The following MOCOS variants were observed in gnomAD, a reference collection of about 807,000 sequenced individuals.
MOCOS encodes the protein molybdenum cofactor sulfurase, also known as human molybdenum cofactor sulfurase.
Under a neutral mutation model 83.6 loss-of-function variants are expected in MOCOS, and 86 were observed. That is an observed-to-expected ratio of 1.03 (90% CI 0.86 to 1.23). The LOEUF is 1.23. Ranked by LOEUF, MOCOS falls within the 50% of genes most tolerant of loss-of-function variation. The pLI is 0.00. For missense variants in MOCOS, 1,120 were observed against 1,126.9 expected (o/e 0.99, Z 0.09); for synonymous variants, 445 against 434.7 (o/e 1.02, Z -0.29).
intron 9 of MOCOS, among the ~76,000 whole-genome samples, chr18:36,229,776 A>C (rs1369117378): frequency 6.6e-6 from 1 of 151,622 alleles, no homozygotes; most frequent in Non-Finnish European, 1.5e-5. Context: ...TTGCTGATCT[A>C]GTCTGCTGTT....
chr18:36,256,279 T>C (rs921986395), intron 11 of MOCOS, among the ~76,000 whole-genome samples: 3 of 152,170 alleles, frequency 2.0e-5, no homozygotes, highest in African/African-American at 4.8e-5. Context: ...TTTTCCCTGA[T>C]TAGATTCAGA....
In MOCOS at chr18:36,200,118, C is replaced by T. The variant is rs371948005; in HGVS notation, c.735C>T (p.Thr245=). Reference sequence around the variant, plus strand: ...TGGATGCAGCCTCCTACGTGAGCACCTCGCCTTTGGACCTGTCAGCTCACC... The same window carrying T: ...TGGATGCAGCCTCCTACGTGAGCACTTCGCCTTTGGACCTGTCAGCTCACC... ...VLLDAASYVS[T]SPLDLSAHQA... Residue 245 remains threonine (T), a synonymous_variant, in exon 4 of 15, where the codon ACC becomes ACT. Coordinates refer to ENST00000261326, the MANE Select transcript of MOCOS (RefSeq NM_017947.4). The T allele has an allele frequency of 6.2e-7, 1 of 1,614,092 alleles. No individual in the cohort carries two copies. Among genetic ancestry groups the T allele is most frequent in the Admixed American group, 1.7e-5 (1 of 60,012 alleles).
rs1474910873 is a variant in MOCOS at position 36,266,736 on chromosome 18, T to A, written c.2410-13T>A. ...TTTTGTGGCAACGCTGTGTTTTCCT[T>A]CTCACCTGCCAGGTTTTGGGGCCTT... On this transcript the variant is annotated splice_polypyrimidine_tract_variant and intron_variant, in intron 13 of 14. Transcript: ENST00000261326. 5 of 1,612,676 alleles carry A rather than the reference T, an allele frequency of 3.1e-6. No individual in the cohort carries two copies. Among genetic ancestry groups the A allele is most frequent in the African/African-American group, 1.3e-5 (1 of 74,882 alleles).
chr18:36,231,860 G>A (rs528253953), intron 9 of MOCOS, among the ~76,000 whole-genome samples: 53 of 152,160 alleles, frequency 3.5e-4, no homozygotes, highest in Non-Finnish European at 6.5e-4. Context: ...CATACTATTG[G>A]TGGCACTGAT....
intron 9 of MOCOS, among the ~76,000 whole-genome samples, chr18:36,228,867 C>T (rs1336576610): frequency 6.6e-6 from 1 of 150,710 alleles, no homozygotes; most frequent in African/African-American, 2.4e-5. Flanking sequence ...TGAGATCTCG[C>T]CATGTTTCCC....
At chr18:36,220,692 G>C (rs2091492947) in intron 9 of MOCOS, among the ~76,000 whole-genome samples, 1 of 152,068 alleles carries the variant, frequency 6.6e-6, no homozygotes, top group South Asian at 2.1e-4. Context: ...CTGCAGAGGT[G>C]GGCAGATCAC....
chr18:36,214,129 T>C (rs1482938057), intron 7 of MOCOS, among the ~76,000 whole-genome samples: 1 of 150,172 alleles, frequency 6.7e-6, no homozygotes, highest in Non-Finnish European at 1.5e-5. Flanking sequence ...TAATCCTAGC[T>C]AGTCAGGAGG....
At chr18:36,261,733 C>CTCAG (rs532976707) in intron 13 of MOCOS, among the ~76,000 whole-genome samples, 515 of 152,294 alleles carry the variant, frequency 3.4e-3, no homozygotes, top group South Asian at 0.016. Context: ...ACAAGCCCAT[C>CTCAG]TCAGGCACTA....
intron 6 of MOCOS, among the ~76,000 whole-genome samples, chr18:36,205,729 T>C (rs1598874187): frequency 6.6e-6 from 1 of 152,132 alleles, no homozygotes; most frequent in Non-Finnish European, 1.5e-5. Flanking sequence ...TGAAAGCACA[T>C]CTGCATCCCC....
intron 9 of MOCOS, among the ~76,000 whole-genome samples, chr18:36,238,274 G>T (rs1376418052): frequency 2.7e-5 from 4 of 148,860 alleles, no homozygotes; most frequent in African/African-American, 5.0e-5. Flanking sequence ...GGCATTTAGT[G>T]CTATAAATTT....
At chr18:36,254,494 G>GTGTGTGTT (rs1370245961) in intron 11 of MOCOS, among the ~76,000 whole-genome samples, 1 of 73,230 alleles carries the variant, frequency 1.4e-5, no homozygotes, top group African/African-American at 5.8e-5. Flanking sequence ...GTGTGTGTGT[G>GTGTGTGTT]TGTGTATAGA....
Position 36,270,111 on chromosome 18 carries a change from A to C in MOCOS, c.*1426A>C, listed in dbSNP as rs1032515882. The C allele has an allele frequency of 2.6e-5, 4 of 152,214 alleles. No homozygotes were observed. The highest frequency in any genetic ancestry group is 9.7e-5 in the African/African-American group (4 of 41,442). The allele number at this position is 152,214 out of a possible 1,614,324, so 9.4% of individuals were successfully genotyped here. On this transcript the variant is annotated 3_prime_UTR_variant, in exon 15 of 15. Coordinates refer to ENST00000261326, the MANE Select transcript of MOCOS (RefSeq NM_017947.4). Reference sequence around the variant, plus strand: ...AGTACAACTCTGACTCTGGTTCCTGAGATCACCGAAAGAAGAGGCAAATGA... The same window carrying C: ...AGTACAACTCTGACTCTGGTTCCTGCGATCACCGAAAGAAGAGGCAAATGA...
chr18:36,267,863 G>A (rs1340654605), intron 14 of MOCOS, among the ~76,000 whole-genome samples: 1 of 152,196 alleles, frequency 6.6e-6, no homozygotes, highest in Non-Finnish European at 1.5e-5. Context: ...AACAGTTGCA[G>A]TGAGAGTGCA....
At position 36,198,722 on chromosome 18, in the gene MOCOS, C is replaced by A. The variant is rs2091400220; in HGVS notation, c.265C>A (p.Leu89Ile). The change falls in exon 3 of 15, where the codon CTC (leucine) becomes ATC (isoleucine). Residue 89 changes from leucine (L) to isoleucine (I), a missense_variant. By Grantham distance (5) the Leu-to-Ile change is conservative (BLOSUM62 2). Coordinates refer to ENST00000261326, the MANE Select transcript of MOCOS (RefSeq NM_017947.4). ...TCACAGCCAGAACATCAGCAGCAAG[C>A]TCACCCATGACACTGTGGAGCAGGT... is the stretch of plus-strand genomic sequence containing the variant. ...NPHSQNISSK[L>I]THDTVEQVRY... The A allele has an allele frequency of 6.2e-7, 1 of 1,614,186 alleles. No individual in the cohort carries two copies. The highest frequency in any genetic ancestry group is 1.3e-5 in the African/African-American group (1 of 75,048).
intron 9 of MOCOS, among the ~76,000 whole-genome samples, chr18:36,247,416 C>T (rs2091606311): frequency 6.6e-6 from 1 of 152,178 alleles, no homozygotes; most frequent in Non-Finnish European, 1.5e-5. Flanking sequence ...AAAGTTTGTG[C>T]TCAGTTAAAA....
Position 36,200,225 on chromosome 18 carries a change from C to T in MOCOS, c.842C>T (p.Ala281Val), listed in dbSNP as rs150272391. Residue 281 changes from alanine to valine, a missense_variant, in exon 4 of 15, where the codon GCG (alanine) becomes GTG (valine). Coordinates refer to ENST00000261326, the MANE Select transcript of MOCOS (RefSeq NM_017947.4). ...GGCGCTCTGCTGGTCCATAATCGTGCGGCTCCTCTACTGAGGAAGACCTAC... is the reference window on the plus strand; with the variant it reads ...GGCGCTCTGCTGGTCCATAATCGTGTGGCTCCTCTACTGAGGAAGACCTAC... Reference protein sequence around the residue: ...GLGALLVHNRAAPLLRKTYFG... With the variant: ...GLGALLVHNRVAPLLRKTYFG... 459 of 1,614,154 alleles carry T rather than the reference C, an allele frequency of 2.8e-4. 3 individuals are homozygous for T. The African/African-American group carries it at 5.3e-3, about 19-fold the overall frequency.
chr18:36,211,053 G>T (rs953513694), intron 6 of MOCOS, among the ~76,000 whole-genome samples: 1 of 151,832 alleles, frequency 6.6e-6, no homozygotes, highest in African/African-American at 2.4e-5. Context: ...GAAGCTCATT[G>T]TGTGAATGGA....
intron 5 of MOCOS, 134 bp downstream of exon 5, chr18:36,203,323 C>T: frequency 1.2e-6 from 1 of 854,790 alleles, no homozygotes; most frequent in South Asian, 1.4e-5. Context: ...AAATTTGATT[C>T]CTAGTAACTT....
intron 8 of MOCOS, among the ~76,000 whole-genome samples, chr18:36,217,820 G>A (rs2091480849): frequency 6.6e-6 from 1 of 152,204 alleles, no homozygotes; most frequent in African/African-American, 2.4e-5. Flanking sequence ...GTAACCCACA[G>A]CTGTTTATTC....
Sources: gnomAD v4.1 joint callset for allele counts (sites outside exome capture counted in the v4.1 genomes callset) on GRCh38, gnomAD v4.1.1 for gene constraint, MANE v1.5 for transcripts, NCBI Gene and HGNC (gene_info 2026-07-23, HGNC 2026-07-21) for gene names.